The following ZNF469 variants were observed in gnomAD, a reference collection of about 807,000 sequenced individuals.
The protein encoded by ZNF469 is zinc finger protein 469.
In ZNF469, 1 loss-of-function variant was observed where a neutral mutation model predicts 1.0. That is an observed-to-expected ratio of 1.00 (90% CI 0.35 to 4.73). The LOEUF (loss-of-function observed/expected upper bound fraction) is 4.73. ZNF469 is among the 30% of genes most tolerant of loss of function. The pLI is 0.16. For missense variants in ZNF469, 6,100 were observed against 5,356.3 expected, an observed-to-expected ratio of 1.14 and a Z score of -4.33; for synonymous variants, 2,703 against 2,363.4, an observed-to-expected ratio of 1.14 and a Z score of -4.17.
rs932112589 is a variant in ZNF469, at chr16:88,434,833, C to A, written c.7363C>A (p.Pro2455Thr). 1.9e-6 allele frequency: 3 copies of A among 1,550,368 alleles called. No individual in the cohort carries two copies. Among genetic ancestry groups the A allele is most frequent in the Non-Finnish European group, 2.6e-6 (3 of 1,146,990 alleles). ...GAGGTCCCGTGGCTATAAAAAGAAG[C>A]CTGCATCTACAGAGAACGGCCAGTG... Reference protein sequence around the residue: ...KQRSRGYKKKPASTENGQWKG... With the variant: ...KQRSRGYKKKTASTENGQWKG... The change falls in exon 3 of 3, where the codon CCT becomes ACT. Residue 2455 changes from proline (P) to threonine (T), a missense_variant. Pro to Thr is a conservative substitution (Grantham distance 38). Transcript: ENST00000565624.
the ZNF469 span, among the ~76,000 whole-genome samples, chr16:88,357,986 G>A: frequency 6.6e-6 from 1 of 152,238 alleles, no homozygotes; most frequent in Non-Finnish European, 1.5e-5. Context: ...ATGTCCACTT[G>A]TCCTGGGAAG....
the ZNF469 span, among the ~76,000 whole-genome samples, chr16:88,340,967 C>T: frequency 8.5e-5 from 13 of 152,196 alleles, no homozygotes; most frequent in Middle Eastern, 0.01. Context: ...AGAGAGAGCC[C>T]GGGGCCCGGG....
the ZNF469 span, among the ~76,000 whole-genome samples, chr16:88,133,481 T>G: frequency 0.028 from 4,237 of 150,604 alleles, no homozygotes; most frequent in African/African-American, 0.097. Context: ...AGTCCAGGCC[T>G]GACGCGGATT....
the ZNF469 span, among the ~76,000 whole-genome samples, chr16:88,377,197 A>G: frequency 1.3e-5 from 2 of 152,220 alleles, no homozygotes; most frequent in East Asian, 3.9e-4. Flanking sequence ...GTGTGTCCAA[A>G]AGCAGCCCTG....
At position 88,439,737 on chromosome 16, in the gene ZNF469, C is replaced by T. The variant is rs910903924; in HGVS notation, c.*405C>T. Reference sequence around the variant, plus strand: ...GAGAAGGGAAGTAAGTTGAGGCAGCCGTGGGATGGTGGTAGGTTCCCTCTT... The same window carrying T: ...GAGAAGGGAAGTAAGTTGAGGCAGCTGTGGGATGGTGGTAGGTTCCCTCTT... On this transcript the variant is annotated 3_prime_UTR_variant, in exon 3 of 3. Transcript: ENST00000565624. The T allele has an allele frequency of 7.9e-5, 22 of 279,320 alleles. No individual in the cohort carries two copies. The highest frequency in any genetic ancestry group is 2.9e-4 in the East Asian group (3 of 10,278). The allele number at this position is 279,320 out of a possible 1,614,324, so 17.3% of individuals were successfully genotyped here.
chr16:88,393,602 G>A (rs1411451822), intron 1 of ZNF469, among the ~76,000 whole-genome samples: 2 of 152,204 alleles, frequency 1.3e-5, no homozygotes, highest in Non-Finnish European at 2.9e-5. Flanking sequence ...GTGCCGAGCT[G>A]CCCGGGCAGG....
the ZNF469 span, among the ~76,000 whole-genome samples, chr16:88,157,785 C>G: frequency 2.2e-3 from 337 of 152,042 alleles, 1 homozygote; most frequent in African/African-American, 7.7e-3. Context: ...GGTGGGGGCT[C>G]CCTGTGTGTC....
chr16:88,108,750 C>T, the ZNF469 span, among the ~76,000 whole-genome samples: 3 of 152,202 alleles, frequency 2.0e-5, no homozygotes, highest in Admixed American at 2.0e-4. Flanking sequence ...TTTGCTGAGG[C>T]TAGGTCATCA....
the ZNF469 span, among the ~76,000 whole-genome samples, chr16:88,306,690 G>A: frequency 3.6e-3 from 546 of 152,286 alleles, 3 homozygotes; most frequent in African/African-American, 0.013. Flanking sequence ...GGCGTGGACA[G>A]GGCAACCCAG....
At chr16:88,145,070 G>A in the ZNF469 span, among the ~76,000 whole-genome samples, 1,450 of 151,484 alleles carry the variant, frequency 9.6e-3, 27 homozygotes, top group African/African-American at 0.032. Context: ...GGCTGGTCTC[G>A]AACTCCTGAC....
chr16:88,239,230 C>T, the ZNF469 span, among the ~76,000 whole-genome samples: 20 of 152,196 alleles, frequency 1.3e-4, no homozygotes, highest in Non-Finnish European at 1.9e-4. Context: ...CGTTTTTGTT[C>T]ATTTTATAAT....
the ZNF469 span, among the ~76,000 whole-genome samples, chr16:88,107,126 A>G: frequency 1.0e-4 from 15 of 148,932 alleles, no homozygotes; most frequent in Admixed American, 2.7e-4. Context: ...CCCAGGCTTC[A>G]GACAGGCTGA....
chr16:88,337,048 AG>A, the ZNF469 span, among the ~76,000 whole-genome samples: 1 of 152,316 alleles, frequency 6.6e-6, no homozygotes, highest in Non-Finnish European at 1.5e-5. Flanking sequence ...GTGGCTGAAA[AG>A]TATATTCTGT....
At chr16:88,296,638 G>T in the ZNF469 span, among the ~76,000 whole-genome samples, 1 of 150,758 alleles carries the variant, frequency 6.6e-6, no homozygotes, top group Non-Finnish European at 1.5e-5. Flanking sequence ...ACTCACATAC[G>T]CATACACACA....
the ZNF469 span, among the ~76,000 whole-genome samples, chr16:88,266,547 A>T: frequency 6.6e-6 from 1 of 152,250 alleles, no homozygotes; most frequent in Non-Finnish European, 1.5e-5. Flanking sequence ...AAAGGATTGC[A>T]TCTTGGGGCA....
chr16:88,396,542 GA>G (rs1276289594), intron 1 of ZNF469, among the ~76,000 whole-genome samples: 1 of 150,260 alleles, frequency 6.7e-6, no homozygotes, highest in Non-Finnish European at 1.5e-5. Flanking sequence ...GGGAGGCCGG[GA>G]GGAGACCCTC....
At chr16:88,325,835 C>T in the ZNF469 span, among the ~76,000 whole-genome samples, 3 of 151,254 alleles carry the variant, frequency 2.0e-5, no homozygotes, top group East Asian at 2.0e-4. Context: ...CTTTCTTCCA[C>T]GCATCCCAGA....
chr16:88,125,271 T>A, the ZNF469 span, among the ~76,000 whole-genome samples: 1 of 152,382 alleles, frequency 6.6e-6, no homozygotes, highest in South Asian at 2.1e-4. Context: ...ATACTATATC[T>A]TAAGATAGTA....
At position 88,391,380 on chromosome 16, in the gene ZNF469, G is replaced by A. The variant is rs868684417; in HGVS notation, c.-192+8126G>A. On this transcript the variant is annotated intron_variant, in intron 1 of 2. Coordinates refer to ENST00000565624, the MANE Select transcript of ZNF469 (RefSeq NM_001367624.2). Reference sequence around the variant, plus strand: ...CATGTGACTGTGCTTGGCTGGCTGCGTTCCCCAGGTCCCAGCATCCACAGG... The same window carrying A: ...CATGTGACTGTGCTTGGCTGGCTGCATTCCCCAGGTCCCAGCATCCACAGG... Among the ~76,000 whole-genome samples, 36 of 152,358 alleles carry A rather than the reference G, an allele frequency of 2.4e-4. No homozygotes were observed. In the Middle Eastern group the frequency reaches 0.01, roughly 43 times the overall value.
Sources: gnomAD v4.1 joint callset for allele counts (sites outside exome capture counted in the v4.1 genomes callset) on GRCh38, gnomAD v4.1.1 for gene constraint, MANE v1.5 for transcripts, NCBI Gene and HGNC (gene_info 2026-07-23, HGNC 2026-07-21) for gene names.